The following MIS18A variants were observed in gnomAD, a reference collection of about 807,000 sequenced individuals.
MIS18A encodes the protein protein Mis18-alpha.
MIS18A carries 14 observed loss-of-function variants against 25.0 expected under a neutral mutation model. That is an observed-to-expected ratio of 0.56 (90% CI 0.37 to 0.88). MIS18A has a LOEUF of 0.88. MIS18A is among the 40% of genes least tolerant of loss of function. The probability of loss-of-function intolerance (pLI) is 0.00; values close to 1 mark genes in which losing one functional copy is unlikely to be tolerated. For synonymous variants in MIS18A, 134 were observed against 118.6 expected, an observed-to-expected ratio of 1.13 and a Z score of -0.84; for missense variants, 292 against 290.8, an observed-to-expected ratio of 1.00 and a Z score of -0.03.
the MIS18A span, among the ~76,000 whole-genome samples, chr21:32,231,189 T>C: frequency 1.3e-5 from 2 of 150,206 alleles, no homozygotes; most frequent in Non-Finnish European, 3.0e-5. Context: ...TGAGCCAAGA[T>C]TGCAGCACTG....
chr21:32,183,768 T>C, the MIS18A span, among the ~76,000 whole-genome samples: 71 of 152,206 alleles, frequency 4.7e-4, no homozygotes, highest in Admixed American at 4.6e-3. Context: ...GTATAGAGAT[T>C]TGCCTCTGAA....
intron 4 of MIS18A, 87 bp downstream of exon 4, chr21:32,269,620 C>T (rs1009129879): frequency 2.6e-6 from 2 of 760,110 alleles, no homozygotes; most frequent in African/African-American, 1.8e-5. Context: ...ACACAGATGA[C>T]GTTATGAGAA....
chr21:32,204,672 C>T, the MIS18A span, among the ~76,000 whole-genome samples: 1 of 151,916 alleles, frequency 6.6e-6, no homozygotes, highest in Non-Finnish European at 1.5e-5. Context: ...GTGGGTGGAT[C>T]ACCTGAGGTC....
the MIS18A span, among the ~76,000 whole-genome samples, chr21:32,261,960 G>A: frequency 2.6e-4 from 39 of 152,324 alleles, no homozygotes; most frequent in African/African-American, 8.7e-4. Context: ...CCTTCTAGAC[G>A]CTAAGATTGC....
At chr21:32,183,040 T>C in the MIS18A span, among the ~76,000 whole-genome samples, 2 of 152,144 alleles carry the variant, frequency 1.3e-5, no homozygotes, top group African/African-American at 4.8e-5. Flanking sequence ...GGTTTATAAG[T>C]ATGAAAGATG....
chr21:32,163,718 G>A, the MIS18A span, among the ~76,000 whole-genome samples: 1 of 151,962 alleles, frequency 6.6e-6, no homozygotes, highest in African/African-American at 2.4e-5. Context: ...GGCTCTTTTT[G>A]GCCACTATTG....
chr21:32,157,480 A>G, the MIS18A span, among the ~76,000 whole-genome samples: 1 of 71,698 alleles, frequency 1.4e-5, no homozygotes, highest in East Asian at 4.2e-4. Flanking sequence ...TTTTGTCCTT[A>G]AAGTGGTTAA....
At chr21:32,240,128 CG>C in the MIS18A span, among the ~76,000 whole-genome samples, 1 of 152,236 alleles carries the variant, frequency 6.6e-6, no homozygotes, top group Non-Finnish European at 1.5e-5. Context: ...AACGTTGCAT[CG>C]CATTGCTGCA....
chr21:32,155,568 G>T, the MIS18A span, among the ~76,000 whole-genome samples: 1 of 152,338 alleles, frequency 6.6e-6, no homozygotes, highest in Non-Finnish European at 1.5e-5. Context: ...ACAGAAAAAG[G>T]AACCTGTTCC....
chr21:32,268,338 G>C lies in MIS18A; in HGVS notation c.*699C>G, dbSNP rs942963067. 3 of 152,166 alleles carry C rather than the reference G, an allele frequency of 2.0e-5. No individual in the cohort carries two copies. The highest frequency in any genetic ancestry group is 7.2e-5 in the African/African-American group (3 of 41,436). The allele number at this position is 152,166 out of a possible 1,614,324, so 9.4% of individuals were successfully genotyped here. On this transcript the variant is annotated 3_prime_UTR_variant, in exon 5 of 5. Transcript: ENST00000290130. ...CCCCCAGAATCCCACCCTCAGAGAT[G>C]GTTACTCCTCTTTGGTAAGTATTCC...
intron 1 of MIS18A, among the ~76,000 whole-genome samples, chr21:32,276,802 T>C (rs544717142): frequency 6.6e-6 from 1 of 152,148 alleles, no homozygotes; most frequent in South Asian, 2.1e-4. Context: ...TTAGTGTGTA[T>C]CTGTAGTCCC....
the MIS18A span, among the ~76,000 whole-genome samples, chr21:32,242,131 C>T: frequency 1.3e-5 from 2 of 152,366 alleles, no homozygotes; most frequent in African/African-American, 2.4e-5. Context: ...CCACCCGCCT[C>T]AGCCTCCCAA....
chr21:32,202,413 A>C, the MIS18A span, among the ~76,000 whole-genome samples: 3 of 152,202 alleles, frequency 2.0e-5, no homozygotes, highest in African/African-American at 7.2e-5. Context: ...TGAAACAAGC[A>C]CAAGATGCTA....
the MIS18A span, among the ~76,000 whole-genome samples, chr21:32,202,562 C>T: frequency 1.1e-4 from 17 of 152,154 alleles, no homozygotes; most frequent in African/African-American, 3.9e-4. Context: ...CAACCATCAC[C>T]ACCACCTTCT....
At chr21:32,200,167 A>AAAAGCAGCC in the MIS18A span, among the ~76,000 whole-genome samples, 1 of 152,232 alleles carries the variant, frequency 6.6e-6, no homozygotes, top group Admixed American at 6.5e-5. Context: ...ACTGTAGCGC[A>AAAAGCAGCC]AAAGCAGCCA....
At chr21:32,200,610 AT>A in the MIS18A span, among the ~76,000 whole-genome samples, 6 of 149,598 alleles carry the variant, frequency 4.0e-5, 1 homozygote, top group African/African-American at 7.4e-5. Context: ...ATTTTTTTGT[AT>A]TTTTTTTTAG....
chr21:32,176,545 A>G, the MIS18A span, among the ~76,000 whole-genome samples: 2 of 152,236 alleles, frequency 1.3e-5, no homozygotes, highest in Non-Finnish European at 2.9e-5. Context: ...ATGACCTATC[A>G]AAACTTGTGA....
At chr21:32,184,328 A>G in the MIS18A span, among the ~76,000 whole-genome samples, 5 of 152,234 alleles carry the variant, frequency 3.3e-5, no homozygotes, top group Admixed American at 1.3e-4. Context: ...TCACTTCCAT[A>G]CTGAGAAGAT....
the MIS18A span, among the ~76,000 whole-genome samples, chr21:32,262,676 T>C: frequency 6.6e-6 from 1 of 152,234 alleles, no homozygotes; most frequent in Non-Finnish European, 1.5e-5. Context: ...TGTCCATCTC[T>C]GCCTTAAAAT....
Sources: gnomAD v4.1 joint callset for allele counts (sites outside exome capture counted in the v4.1 genomes callset) on GRCh38, gnomAD v4.1.1 for gene constraint, MANE v1.5 for transcripts, NCBI Gene and HGNC (gene_info 2026-07-23, HGNC 2026-07-21) for gene names.